Variants in SLC44A5 observed in about 807,000 individuals in gnomAD.
The protein encoded by SLC44A5 is choline transporter-like protein 5.
A neutral mutation model predicts 101.8 loss-of-function variants in SLC44A5; 57 were observed. That is an observed-to-expected ratio of 0.56 (90% CI 0.45 to 0.70). The LOEUF is 0.70. Ranked by LOEUF, SLC44A5 falls within the 30% of genes least tolerant of loss-of-function variation. SLC44A5 has a pLI of 0.00. For synonymous variants in SLC44A5, 281 were observed against 290.9 expected, an observed-to-expected ratio of 0.97 and a Z score of 0.35; for missense variants, 737 against 853.1, an observed-to-expected ratio of 0.86 and a Z score of 1.70.
intron 4 of SLC44A5, among the ~76,000 whole-genome samples, chr1:75,308,335 A>G (rs1014894222): frequency 6.6e-6 from 1 of 152,088 alleles, no homozygotes; most frequent in Non-Finnish European, 1.5e-5. Flanking sequence ...GCCTTGAGAG[A>G]ATAGCTTTAA....
At chr1:75,346,250 T>C (rs1259129587) in intron 3 of SLC44A5, among the ~76,000 whole-genome samples, 1 of 152,130 alleles carries the variant, frequency 6.6e-6, no homozygotes, top group African/African-American at 2.4e-5. Flanking sequence ...TAAGAGATGA[T>C]GAATCACCTT....
At chr1:75,686,669 T>G in the SLC44A5 span, among the ~76,000 whole-genome samples, 1 of 152,314 alleles carries the variant, frequency 6.6e-6, no homozygotes, top group Middle Eastern at 3.4e-3. Flanking sequence ...AAAAGTGAAA[T>G]GTATTATTTG....
At chr1:75,574,593 G>A (rs1389123684) in intron 1 of SLC44A5, among the ~76,000 whole-genome samples, 2 of 152,144 alleles carry the variant, frequency 1.3e-5, no homozygotes, top group African/African-American at 4.8e-5. Flanking sequence ...AGCTCTCAGC[G>A]ACCCACCTCA....
At chr1:75,567,385 C>T (rs1672844089) in intron 1 of SLC44A5, among the ~76,000 whole-genome samples, 1 of 151,934 alleles carries the variant, frequency 6.6e-6, no homozygotes, top group African/African-American at 2.4e-5. Context: ...CAGTAATATG[C>T]AAATTATATT....
At chr1:75,443,044 A>C (rs1403470911) in intron 2 of SLC44A5, among the ~76,000 whole-genome samples, 1 of 152,206 alleles carries the variant, frequency 6.6e-6, no homozygotes, top group Non-Finnish European at 1.5e-5. Context: ...TGCATACTGA[A>C]ACTTGTGGGA....
At chr1:75,259,822 A>G (rs1401222717) in intron 6 of SLC44A5, among the ~76,000 whole-genome samples, 2 of 152,324 alleles carry the variant, frequency 1.3e-5, no homozygotes, top group African/African-American at 4.8e-5. Flanking sequence ...TCAGACAAAC[A>G]GCAGATCTCT....
At chr1:75,487,020 G>A (rs1668187338) in intron 2 of SLC44A5, among the ~76,000 whole-genome samples, 1 of 152,186 alleles carries the variant, frequency 6.6e-6, no homozygotes, top group Admixed American at 6.5e-5. Flanking sequence ...AATGTGCAGT[G>A]ACTAATGTAC....
chr1:75,387,048 C>T (rs151182849), intron 3 of SLC44A5, among the ~76,000 whole-genome samples: 3,913 of 152,016 alleles, frequency 0.026, 99 homozygotes, highest in East Asian at 0.094. Flanking sequence ...ACACCTTATA[C>T]AAAAATCAAT....
At chr1:75,406,325 C>G (rs1662864097) in intron 2 of SLC44A5, among the ~76,000 whole-genome samples, 1 of 152,172 alleles carries the variant, frequency 6.6e-6, no homozygotes, top group Non-Finnish European at 1.5e-5. Flanking sequence ...TTCTTCCAAA[C>G]TATGGAAATA....
chr1:75,531,563 A>C (rs1431828113), intron 2 of SLC44A5, among the ~76,000 whole-genome samples: 2 of 152,212 alleles, frequency 1.3e-5, no homozygotes, highest in Non-Finnish European at 2.9e-5. Flanking sequence ...CAGTAGGTCT[A>C]AGGTGGGCTC....
the SLC44A5 span, among the ~76,000 whole-genome samples, chr1:75,668,075 C>A: frequency 6.6e-6 from 1 of 152,102 alleles, no homozygotes; most frequent in South Asian, 2.1e-4. Flanking sequence ...AACTTTAAAT[C>A]CTCTAAGAGT....
chr1:75,676,592 TG>T, the SLC44A5 span, among the ~76,000 whole-genome samples: 1 of 152,196 alleles, frequency 6.6e-6, no homozygotes, highest in East Asian at 1.9e-4. Flanking sequence ...TAATGCATAC[TG>T]GGCTTTATAA....
intron 4 of SLC44A5, among the ~76,000 whole-genome samples, chr1:75,327,243 C>G (rs1436611765): frequency 6.6e-6 from 1 of 152,050 alleles, no homozygotes; most frequent in East Asian, 1.9e-4. Context: ...AAGGAGACTT[C>G]AATCAGAAAT....
intron 2 of SLC44A5, among the ~76,000 whole-genome samples, chr1:75,491,078 A>G (rs559269584): frequency 9.9e-5 from 15 of 152,234 alleles, no homozygotes; most frequent in Middle Eastern, 3.4e-3. Context: ...ATTCAAAGCC[A>G]TCGTAGTAAC....
intron 5 of SLC44A5, among the ~76,000 whole-genome samples, chr1:75,285,271 T>C (rs1652944615): frequency 6.6e-6 from 1 of 152,106 alleles, no homozygotes; most frequent in South Asian, 2.1e-4. Flanking sequence ...GGTTTTCTAG[T>C]TTGTGCATAT....
the SLC44A5 span, among the ~76,000 whole-genome samples, chr1:75,696,961 C>T: frequency 1.3e-5 from 2 of 151,574 alleles, no homozygotes; most frequent in East Asian, 3.9e-4. Context: ...GGCCAGAGTT[C>T]TGAAAATGAG....
At chr1:75,639,320 A>T in the SLC44A5 span, among the ~76,000 whole-genome samples, 1 of 152,106 alleles carries the variant, frequency 6.6e-6, no homozygotes. Context: ...ATGTAATTTT[A>T]TCTGTCAATT....
chr1:75,584,563 G>A (rs1053892578), intron 1 of SLC44A5, among the ~76,000 whole-genome samples: 8 of 151,994 alleles, frequency 5.3e-5, no homozygotes, highest in African/African-American at 1.7e-4. Flanking sequence ...TTTGCTTTTG[G>A]GGGTTTTGTG....
At chr1:75,237,114 A>G (rs1402961906) in intron 10 of SLC44A5, 44 bp from the exon 11 acceptor site, 2 of 1,170,056 alleles carry the variant, frequency 1.7e-6, no homozygotes, top group Non-Finnish European at 2.5e-6. Context: ...TTTGATGACC[A>G]CTAAACAGAA....
Sources: gnomAD v4.1 joint callset for allele counts (sites outside exome capture counted in the v4.1 genomes callset) on GRCh38, gnomAD v4.1.1 for gene constraint, MANE v1.5 for transcripts, NCBI Gene and HGNC (gene_info 2026-07-23, HGNC 2026-07-21) for gene names.